GZMH: variants seen among roughly 807,000 people sequenced by gnomAD.
GZMH encodes the protein granzyme H, also known as cathepsin G-like 2, protein h-CCPX.
GZMH carries 24 observed loss-of-function variants against 20.7 expected under a neutral mutation model. That is an observed-to-expected ratio of 1.16 (90% CI 0.84 to 1.63). The LOEUF is 1.63. Among genes scored for constraint, GZMH ranks in the 40% most tolerant of loss-of-function variants. The pLI is 0.00. For missense variants in GZMH, 344 were observed against 302.7 expected (o/e 1.14, Z -1.01); for synonymous variants, 119 against 116.1 (o/e 1.02, Z -0.16).
chr14:24,608,041 G>A (rs2066884349), intron 2 of GZMH, among the ~76,000 whole-genome samples: 1 of 152,200 alleles, frequency 6.6e-6, no homozygotes, highest in South Asian at 2.1e-4. Context: ...GCCAGTGTGT[G>A]AAACCATGCC....
At chr14:24,608,190 T>C in intron 2 of GZMH, 75 bp downstream of exon 2, 1 of 1,529,596 alleles carries the variant, frequency 6.5e-7, no homozygotes, top group South Asian at 1.2e-5. Flanking sequence ...GAAGCTCCCC[T>C]GGGCTGCAGT....
In GZMH at chr14:24,608,317, C is replaced by T. The variant is rs201094605; in HGVS notation, c.151G>A (p.Gly51Ser). ...LQEKSRKRCG[G>S]ILVRKDFVLT... ...ACAAAGTCCTTTCTCACTAGGATGC[C>T]GCCACACCTCTTCCGACTCTTCTCT... The change falls in exon 2 of 5, where the codon GGC (glycine) becomes AGC (serine). Residue 51 changes from glycine (G) to serine (S), a missense_variant. Gly to Ser is a moderately conservative substitution (Grantham distance 56). Coordinates refer to ENST00000216338, the MANE Select transcript of GZMH (RefSeq NM_033423.5). The T allele has an allele frequency of 1.4e-4, 229 of 1,614,020 alleles. No individual in the cohort carries two copies. The highest frequency in any genetic ancestry group is 1.6e-4 in the Non-Finnish European group (191 of 1,180,018).
chr14:24,607,582 A>T, intron 3 of GZMH, 30 bp downstream of exon 3: 2 of 1,612,134 alleles, frequency 1.2e-6, no homozygotes, highest in Non-Finnish European at 1.7e-6. Flanking sequence ...CTGGACCAAG[A>T]AGAGCAAGAG....
At position 24,606,565 on chromosome 14, in the gene GZMH, T is replaced by C. The variant is rs199648043; in HGVS notation, c.*38A>G. Reference sequence around the variant, plus strand: ...GGGATTCTTGCCTCTGTCCCAGAGATGGTCAGGCCCAGAGGAAGGTTAGTC... The same window carrying C: ...GGGATTCTTGCCTCTGTCCCAGAGACGGTCAGGCCCAGAGGAAGGTTAGTC... On this transcript the variant is annotated 3_prime_UTR_variant, in exon 5 of 5. Coordinates refer to ENST00000216338, the MANE Select transcript of GZMH (RefSeq NM_033423.5). 5.7e-6 allele frequency: 9 copies of C among 1,592,446 alleles called. No homozygotes were observed. The highest frequency in any genetic ancestry group is 2.7e-5 in the African/African-American group (2 of 73,780).
intron 2 of GZMH, among the ~76,000 whole-genome samples, chr14:24,608,045 C>T (rs577518192): frequency 1.3e-5 from 2 of 152,298 alleles, no homozygotes; most frequent in East Asian, 3.9e-4. Flanking sequence ...GTGTGTGAAA[C>T]CATGCCACTT....
intron 1 of GZMH, among the ~76,000 whole-genome samples, chr14:24,609,299 T>C (rs1338903281): frequency 6.6e-6 from 1 of 152,210 alleles, no homozygotes; most frequent in African/African-American, 2.4e-5. Flanking sequence ...TCACATTCCC[T>C]ACCAAATGCC....
rs1003359856 is a variant in GZMH, at chr14:24,609,424, C to G, written c.55+135G>C. Reference sequence around the variant, plus strand: ...TTTTCGATCTTTGCTGAGTGTCTATCTAGCCTCAGATTTATAAGTCTGGGT... The same window carrying G: ...TTTTCGATCTTTGCTGAGTGTCTATGTAGCCTCAGATTTATAAGTCTGGGT... On this transcript the variant is annotated intron_variant, in intron 1 of 4. Transcript: ENST00000216338. 5.2e-6 allele frequency: 3 copies of G among 575,118 alleles called. No homozygotes were observed. In the African/African-American group the frequency reaches 5.7e-5, roughly 11 times the overall value. The allele number at this position is 575,118 out of a possible 1,614,324, so 35.6% of individuals were successfully genotyped here.
chr14:24,607,175 G>T lies in GZMH; in HGVS notation c.571C>A (p.Pro191Thr). The change falls in exon 4 of 5, where the codon CCA becomes ACA. Residue 191 changes from proline (P) to threonine (T), a missense_variant. By Grantham distance (38) the Pro-to-Thr change is conservative (BLOSUM62 -1). Transcript: ENST00000216338. The part of the protein sequence containing the change: ...SRATEICVGD[P>T]KKTQTGFKGD... ...TTGAAACCGGTCTGTGTCTTCTTTG[G>T]ATCCCCCACACAAATCTCAGTGGCT... 6.2e-7 allele frequency: 1 copy of T among 1,613,654 alleles called. No homozygotes were observed. Among genetic ancestry groups the T allele is most frequent in the Non-Finnish European group, 8.5e-7 (1 of 1,179,740 alleles).
intron 2 of GZMH, 139 bp downstream of exon 2, chr14:24,608,126 T>A (rs2066884861): frequency 2.3e-6 from 2 of 887,870 alleles, no homozygotes; most frequent in Admixed American, 4.3e-5. Context: ...TTAGTCCTAT[T>A]CCCAGGTGGC....
intron 4 of GZMH, 151 bp from the exon 5 acceptor site, chr14:24,606,897 C>G (rs1370397599): frequency 1.3e-6 from 1 of 798,096 alleles, no homozygotes; most frequent in East Asian, 2.5e-5. Flanking sequence ...TGCTTTCTGG[C>G]TCTCCCCAGA....
In GZMH at chr14:24,607,789, G is replaced by A. The variant is rs192196376; in HGVS notation, c.204-42C>T. 7 of 1,613,916 alleles carry A rather than the reference G, an allele frequency of 4.3e-6. No homozygotes were observed. The East Asian group carries it at 1.6e-4, about 36-fold the overall frequency. On this transcript the variant is annotated intron_variant, in intron 2 of 4. Coordinates refer to ENST00000216338, the MANE Select transcript of GZMH (RefSeq NM_033423.5). Reference sequence around the variant, plus strand: ...GTGAGGATGGGGGTGGAGTCACAGGGGATAGAGCCCAGGAGCAGTGAAGAG... The same window carrying A: ...GTGAGGATGGGGGTGGAGTCACAGGAGATAGAGCCCAGGAGCAGTGAAGAG...
chr14:24,607,178 C>T lies in GZMH; in HGVS notation c.568G>A (p.Asp190Asn), dbSNP rs1396731393. 8 of 1,613,562 alleles carry T rather than the reference C, an allele frequency of 5.0e-6. No individual in the cohort carries two copies. The highest frequency in any genetic ancestry group is 1.3e-5 in the African/African-American group (1 of 74,930). ...AAACCGGTCTGTGTCTTCTTTGGAT[C>T]CCCCACACAAATCTCAGTGGCTCTG... ...YSRATEICVG[D>N]PKKTQTGFKG... The change falls in exon 4 of 5, where the codon GAT becomes AAT. Residue 190 changes from aspartate (D) to asparagine (N), a missense_variant. Asp to Asn is a conservative substitution (Grantham distance 23). Transcript: ENST00000216338.
intron 1 of GZMH, 25 bp downstream of exon 1, chr14:24,609,534 C>G (rs373901369): frequency 2.6e-6 from 4 of 1,564,334 alleles, no homozygotes. Context: ...GGGTTCAGGC[C>G]TCTGGAATAG....
chr14:24,608,127 C>G, intron 2 of GZMH, 138 bp downstream of exon 2: 1 of 898,020 alleles, frequency 1.1e-6, no homozygotes, highest in Non-Finnish European at 1.7e-6. Flanking sequence ...TAGTCCTATT[C>G]CCAGGTGGCT....
At position 24,606,655 on chromosome 14, in the gene GZMH, A is replaced by G; in HGVS notation, c.689T>C (p.Ile230Thr). 6.2e-7 allele frequency: 1 copy of G among 1,614,062 alleles called. No homozygotes were observed. Among genetic ancestry groups the G allele is most frequent in the Non-Finnish European group, 8.5e-7 (1 of 1,179,916 alleles). Residue 230 changes from isoleucine (I) to threonine (T), a missense_variant, in exon 5 of 5, where the codon ATC (isoleucine) becomes ACC (threonine). By Grantham distance (89) the Ile-to-Thr change is moderately conservative. Transcript: ENST00000216338. ...NKKGTPPGVY[I>T]KVSHFLPWIK... ...CCAGGGCAGGAAGTGTGAGACCTTG[A>G]TGTAGACTCCTGGAGGTGTCCCTTT...
intron 1 of GZMH, 137 bp downstream of exon 1, chr14:24,609,422 A>G (rs963082939): frequency 2.4e-5 from 14 of 572,024 alleles, no homozygotes; most frequent in African/African-American, 5.7e-5. Context: ...CTGAGTGTCT[A>G]TCTAGCCTCA....
chr14:24,607,590 G>T, intron 3 of GZMH, 22 bp downstream of exon 3: 5 of 1,611,688 alleles, frequency 3.1e-6, no homozygotes, highest in Non-Finnish European at 4.2e-6. Context: ...AGAAGAGCAA[G>T]AGTGGCAGGA....
At chr14:24,608,510 C>T in intron 1 of GZMH, 98 bp from the exon 2 acceptor site, 1 of 1,363,508 alleles carries the variant, frequency 7.3e-7, no homozygotes, top group East Asian at 2.3e-5. Flanking sequence ...GTTTTGTGTG[C>T]TGCAGACAGT....
chr14:24,608,462 G>A (rs2066888996), intron 1 of GZMH, 50 bp from the exon 2 acceptor site: 4 of 1,605,402 alleles, frequency 2.5e-6, no homozygotes, highest in Non-Finnish European at 3.4e-6. Context: ...CTGCAGTCAG[G>A]AGAGAAGGCT....
Sources: gnomAD v4.1 joint callset for allele counts (sites outside exome capture counted in the v4.1 genomes callset) on GRCh38, gnomAD v4.1.1 for gene constraint, MANE v1.5 for transcripts, NCBI Gene and HGNC (gene_info 2026-07-23, HGNC 2026-07-21) for gene names.